The following DAB1 variants were observed in gnomAD, a reference collection of about 807,000 sequenced individuals.
DAB1 encodes the protein disabled homolog 1.
A neutral mutation model predicts 64.6 loss-of-function variants in DAB1; 15 were observed. That is an observed-to-expected ratio of 0.23 (90% CI 0.16 to 0.36). The LOEUF (loss-of-function observed/expected upper bound fraction) is 0.36, where lower values mean the gene tolerates loss of function less well. Ranked by LOEUF, DAB1 falls within the 10% of genes least tolerant of loss-of-function variation. The probability of loss-of-function intolerance (pLI) is 1.00; values close to 1 mark genes in which losing one functional copy is unlikely to be tolerated. For synonymous variants in DAB1, 235 were observed against 251.9 expected, an observed-to-expected ratio of 0.93 and a Z score of 0.64; for missense variants, 596 against 706.7, an observed-to-expected ratio of 0.84 and a Z score of 1.78.
intron 1 of DAB1, among the ~76,000 whole-genome samples, chr1:57,865,734 C>G (rs1654269501): frequency 6.6e-6 from 1 of 152,186 alleles, no homozygotes; most frequent in Admixed American, 6.5e-5. Context: ...TTTAAAAGCA[C>G]AAGCTAGAGT....
chr1:58,372,642 T>C (rs1215499005), intron 3 of DAB1, among the ~76,000 whole-genome samples: 3 of 152,242 alleles, frequency 2.0e-5, no homozygotes, highest in African/African-American at 7.2e-5. Flanking sequence ...AAAGCTCATC[T>C]TGAATTATAA....
At chr1:57,736,164 G>A (rs969391092) in intron 6 of DAB1, among the ~76,000 whole-genome samples, 4 of 152,184 alleles carry the variant, frequency 2.6e-5, no homozygotes, top group Admixed American at 1.3e-4. Context: ...GGAAGACTGA[G>A]ATGAAAGGAA....
At chr1:58,405,129 A>G (rs757453423) in intron 3 of DAB1, among the ~76,000 whole-genome samples, 4 of 152,112 alleles carry the variant, frequency 2.6e-5, no homozygotes, top group Non-Finnish European at 5.9e-5. Context: ...TCGATTCCTC[A>G]GACACATCAA....
At chr1:57,985,531 TTAAA>T (rs1484647299) in intron 5 of DAB1, among the ~76,000 whole-genome samples, 1 of 152,040 alleles carries the variant, frequency 6.6e-6, no homozygotes, top group Admixed American at 6.6e-5. Flanking sequence ...AATATGTATA[TTAAA>T]TAAAGATTAA....
At position 57,267,575 on chromosome 1, in the gene DAB1, A is replaced by T. The variant is rs528242531; in HGVS notation, c.67+23389T>A. On this transcript the variant is annotated intron_variant, in intron 2 of 14. Coordinates refer to ENST00000371236, the MANE Select transcript of DAB1 (RefSeq NM_001365792.1). ...GCCTCTGGAGAAAGATGCCTCCAGC[A>T]CTTCGCAGCCCGAGTACCTGAAACA... 2.0e-5 allele frequency among the ~76,000 whole-genome samples: 3 copies of T among 152,288 alleles called. No individual in the cohort carries two copies. The South Asian group carries it at 6.2e-4, about 32-fold the overall frequency.
At chr1:57,830,393 C>T (rs1482181709) in intron 1 of DAB1, among the ~76,000 whole-genome samples, 2 of 152,140 alleles carry the variant, frequency 1.3e-5, no homozygotes, top group African/African-American at 2.4e-5. Flanking sequence ...CTATTTTTAG[C>T]ACATGACTAA....
At chr1:57,478,021 T>C (rs1238272631) in intron 7 of DAB1, among the ~76,000 whole-genome samples, 2 of 151,758 alleles carry the variant, frequency 1.3e-5, no homozygotes, top group Non-Finnish European at 2.9e-5. Context: ...TCATTTACAT[T>C]AGGTATCTCT....
At chr1:57,071,463 T>A in intron 6 of DAB1, 59 bp downstream of exon 6, 1 of 1,575,240 alleles carries the variant, frequency 6.3e-7, no homozygotes. Flanking sequence ...ACTGTCAGTT[T>A]TTACATGTGT....
intron 7 of DAB1, among the ~76,000 whole-genome samples, chr1:57,486,507 A>C (rs1644093832): frequency 6.6e-6 from 1 of 152,208 alleles, no homozygotes; most frequent in Admixed American, 6.5e-5. Flanking sequence ...GTCTGTGTGG[A>C]AAGTGTAAGC....
chr1:58,210,684 CT>C (rs1173693284), intron 4 of DAB1, among the ~76,000 whole-genome samples: 1 of 152,266 alleles, frequency 6.6e-6, no homozygotes, highest in African/African-American at 2.4e-5. Context: ...TCCATAATTG[CT>C]TTTTTTCCAG....
chr1:57,795,311 T>G (rs754431158), intron 6 of DAB1, among the ~76,000 whole-genome samples: 1 of 152,130 alleles, frequency 6.6e-6, no homozygotes, highest in Non-Finnish European at 1.5e-5. Context: ...TTTTCTAAAT[T>G]TATTTGAGCA....
chr1:57,154,242 T>C (rs989023851), intron 2 of DAB1, among the ~76,000 whole-genome samples: 2 of 152,172 alleles, frequency 1.3e-5, no homozygotes, highest in African/African-American at 2.4e-5. Context: ...GCTCTATGAA[T>C]TCAATTGTTT....
chr1:57,097,512 G>A (rs1343217535), intron 4 of DAB1, among the ~76,000 whole-genome samples: 1 of 152,138 alleles, frequency 6.6e-6, no homozygotes, highest in Non-Finnish European at 1.5e-5. Flanking sequence ...ATAGTTGCAT[G>A]GCTATTAATT....
At chr1:57,030,818 C>G (rs1025426569) in intron 9 of DAB1, among the ~76,000 whole-genome samples, 2 of 152,202 alleles carry the variant, frequency 1.3e-5, no homozygotes, top group African/African-American at 4.8e-5. Context: ...AGACCCTCTT[C>G]CAAATTCATA....
chr1:57,400,850 C>G (rs1683184495), intron 1 of DAB1, among the ~76,000 whole-genome samples: 1 of 152,034 alleles, frequency 6.6e-6, no homozygotes, highest in African/African-American at 2.4e-5. Flanking sequence ...TGATGTGGCT[C>G]AAACCTAATT....
chr1:57,031,590 AG>A (rs1227663012), intron 9 of DAB1, among the ~76,000 whole-genome samples: 1 of 152,230 alleles, frequency 6.6e-6, no homozygotes, highest in African/African-American at 2.4e-5. Flanking sequence ...GCCTCTGATC[AG>A]TCAGCTAAAA....
chr1:58,404,454 C>T (rs183717494), intron 3 of DAB1, among the ~76,000 whole-genome samples: 1 of 152,302 alleles, frequency 6.6e-6, no homozygotes, highest in African/African-American at 2.4e-5. Context: ...TCATCAGGAC[C>T]GATCATGTGA....
At chr1:57,747,839 C>T (rs74224450) in intron 6 of DAB1, among the ~76,000 whole-genome samples, 15,535 of 135,352 alleles carry the variant, frequency 0.11, 1,266 homozygotes, top group East Asian at 0.4. Flanking sequence ...AAAAAGAATA[C>T]CATTGTATTC....
At chr1:57,086,713 A>T (rs1035370114) in intron 4 of DAB1, among the ~76,000 whole-genome samples, 1 of 138,134 alleles carries the variant, frequency 7.2e-6, no homozygotes. Flanking sequence ...TGGCGGGGGG[A>T]GGGGGTCAGG....
Sources: allele counts gnomAD v4.1 joint callset (sites outside exome capture counted in the v4.1 genomes callset), GRCh38; gene constraint gnomAD v4.1.1; transcripts MANE v1.5; gene names NCBI Gene and HGNC (gene_info 2026-07-23, HGNC 2026-07-21).